The following NOP9 variants were observed in gnomAD, a reference collection of about 807,000 sequenced individuals.
The protein encoded by NOP9 is NOP9 nucleolar protein.
NOP9 carries 50 observed loss-of-function variants against 63.0 expected under a neutral mutation model. That is an observed-to-expected ratio of 0.79 (90% CI 0.63 to 1.00). The LOEUF (loss-of-function observed/expected upper bound fraction) is 1.00, where lower values mean the gene tolerates loss of function less well. Ranked by LOEUF, NOP9 falls within the 50% of genes least tolerant of loss-of-function variation. The pLI is 0.00. For synonymous variants in NOP9, 343 were observed against 332.8 expected, an observed-to-expected ratio of 1.03 and a Z score of -0.33; for missense variants, 758 against 803.0, an observed-to-expected ratio of 0.94 and a Z score of 0.68.
chr14:24,276,429 A>G, the NOP9 span, among the ~76,000 whole-genome samples: 1 of 151,362 alleles, frequency 6.6e-6, no homozygotes, highest in Non-Finnish European at 1.5e-5. Context: ...GCTAATTTTT[A>G]AAAATTAGCC....
At chr14:24,300,961 G>A (rs953578690) in intron 2 of NOP9, 104 bp downstream of exon 2, 7 of 948,652 alleles carry the variant, frequency 7.4e-6, no homozygotes, top group East Asian at 5.1e-5. Flanking sequence ...GAGCTTGACC[G>A]GGAAGAATTA....
At chr14:24,292,895 C>G in the NOP9 span, 1 of 1,415,580 alleles carries the variant, frequency 7.1e-7, no homozygotes, top group South Asian at 1.5e-5. Flanking sequence ...ACTAGGAAGG[C>G]TACACAGGGT....
Position 24,306,247 on chromosome 14 carries a change from T to A in NOP9, c.*1152T>A. On this transcript the variant is annotated 3_prime_UTR_variant, in exon 10 of 10. Transcript: ENST00000267425. ...TCGCTTGGACTTTCTGTCCACTGTG[T>A]GACATCCTTGACAATTCCACAACTC... 6.6e-7 allele frequency: 1 copy of A among 1,520,356 alleles called. No homozygotes were observed. The highest frequency in any genetic ancestry group is 1.4e-5 in the African/African-American group (1 of 73,150). 94.2% of individuals were successfully genotyped at this position (1,520,356 alleles called of 1,614,324 possible).
intron 5 of NOP9, 40 bp downstream of exon 5, chr14:24,302,464 C>T: frequency 6.4e-7 from 1 of 1,561,746 alleles, no homozygotes. Context: ...TCTGCTAATT[C>T]TTGATCACTG....
chr14:24,292,415 C>A, the NOP9 span: 2 of 1,572,394 alleles, frequency 1.3e-6, no homozygotes, highest in South Asian at 2.3e-5. Context: ...TGTGAATGCT[C>A]CACCCACCCT....
At chr14:24,304,470 C>A (rs762789353) in intron 8 of NOP9, 23 bp from the exon 9 acceptor site, 1 of 1,572,950 alleles carries the variant, frequency 6.4e-7, no homozygotes. Flanking sequence ...CTAGGGAGAC[C>A]TACTTTGCTT....
At chr14:24,288,790 A>G in the NOP9 span, among the ~76,000 whole-genome samples, 1 of 152,188 alleles carries the variant, frequency 6.6e-6, no homozygotes, top group African/African-American at 2.4e-5. Context: ...TATCTTGAGA[A>G]TTTAGGAGAC....
chr14:24,292,227 T>C, the NOP9 span: 1 of 1,614,128 alleles, frequency 6.2e-7, no homozygotes, highest in Non-Finnish European at 8.5e-7. Context: ...CTTTGCCATA[T>C]GCTCCTTCAG....
chr14:24,287,796 T>G, the NOP9 span, among the ~76,000 whole-genome samples: 2 of 152,348 alleles, frequency 1.3e-5, no homozygotes, highest in East Asian at 3.9e-4. Flanking sequence ...TCCTGTGTCC[T>G]CAGGGCACTC....
chr14:24,302,516 A>G lies in NOP9; in HGVS notation c.1143+92A>G, dbSNP rs2041396771. 4.0e-6 allele frequency: 5 copies of G among 1,262,898 alleles called. No individual in the cohort carries two copies. In the South Asian group the frequency reaches 4.3e-5, roughly 11 times the overall value. 78.2% of individuals were successfully genotyped at this position (1,262,898 alleles called of 1,614,324 possible). A position where few individuals can be genotyped will look rare whatever the true frequency, so the allele number is the denominator to read the frequency against. On this transcript the variant is annotated intron_variant, in intron 5 of 9. Transcript: ENST00000267425. The stretch of plus-strand genomic sequence containing the variant: ...CTGTCTGCCTCTATATACCTTTGAC[A>G]TTGTGCTGGCCATTGCCCTTGAAAA...
In NOP9 at chr14:24,307,215, G is replaced by A. The variant is rs1484790920; in HGVS notation, c.*2120G>A. 1.4e-6 allele frequency: 1 copy of A among 737,572 alleles called. No individual in the cohort carries two copies. The highest frequency in any genetic ancestry group is 2.2e-6 in the Non-Finnish European group (1 of 454,494). The allele number at this position is 737,572 out of a possible 1,614,324, so 45.7% of individuals were successfully genotyped here. On this transcript the variant is annotated 3_prime_UTR_variant, in exon 10 of 10. Transcript: ENST00000267425. The stretch of plus-strand genomic sequence containing the variant: ...TCACTCGGTGGAAAATGAACAAATT[G>A]ACCAGAGCTCATTAGGCCCACTCCG...
intron 4 of NOP9, 35 bp downstream of exon 4, chr14:24,302,141 C>T (rs1439519778): frequency 9.3e-6 from 15 of 1,604,374 alleles, no homozygotes; most frequent in South Asian, 5.5e-5. Flanking sequence ...CCCAAGTTGG[C>T]GGGGCTGTGT....
chr14:24,308,204 A>G lies in NOP9; in HGVS notation c.*3109A>G. The G allele has an allele frequency of 5.9e-6, 2 of 337,372 alleles. No individual in the cohort carries two copies. The highest frequency in any genetic ancestry group is 1.1e-5 in the Non-Finnish European group (2 of 178,992). The allele number at this position is 337,372 out of a possible 1,614,324, so 20.9% of individuals were successfully genotyped here. Reference sequence around the variant, plus strand: ...GGTGTTTTTTTATTTCTATGGAGGGAATTTCTGGGGACGGTTTCTGGCTCT... The same window carrying G: ...GGTGTTTTTTTATTTCTATGGAGGGGATTTCTGGGGACGGTTTCTGGCTCT... On this transcript the variant is annotated 3_prime_UTR_variant, in exon 10 of 10. Coordinates refer to ENST00000267425, the MANE Select transcript of NOP9 (RefSeq NM_174913.3).
the NOP9 span, chr14:24,292,050 A>T: frequency 7.1e-6 from 8 of 1,123,660 alleles, no homozygotes; most frequent in Non-Finnish European, 7.8e-6. Context: ...ATTAAAGGAA[A>T]TAATGTGTGT....
rs1237384717 is a variant in NOP9 at position 24,306,851 on chromosome 14, C to G, written c.*1756C>G. ...CTGTCTTATCTACAATGCTGCACCT[C>G]ACTTCCCACACCCTCAAGAGTTCTC... On this transcript the variant is annotated 3_prime_UTR_variant, in exon 10 of 10. Transcript: ENST00000267425. 1 of 385,894 alleles carries G rather than the reference C, an allele frequency of 2.6e-6. No homozygotes were observed. Among genetic ancestry groups the G allele is most frequent in the Non-Finnish European group, 4.9e-6 (1 of 205,774 alleles). 23.9% of individuals were successfully genotyped at this position (385,894 alleles called of 1,614,324 possible). A position where few individuals can be genotyped will look rare whatever the true frequency, so the allele number is the denominator to read the frequency against.
At chr14:24,277,688 G>A in the NOP9 span, among the ~76,000 whole-genome samples, 3 of 152,204 alleles carry the variant, frequency 2.0e-5, no homozygotes, top group South Asian at 2.1e-4. Flanking sequence ...TCCAGAAGAC[G>A]CTTTCTTGCT....
rs536770684 is a variant in NOP9, at chr14:24,302,970, T to C, written c.1144-104T>C. ...GTCCTGATACTGGCAATGCTTTTTA[T>C]GTTTTATCTAGCATTTTTAGTTGTT... On this transcript the variant is annotated intron_variant, in intron 5 of 9. Transcript: ENST00000267425. The C allele has an allele frequency of 1.8e-5, 24 of 1,334,352 alleles. No homozygotes were observed. In the African/African-American group the frequency reaches 3.6e-4, roughly 20 times the overall value. 82.7% of individuals were successfully genotyped at this position (1,334,352 alleles called of 1,614,324 possible).
At position 24,305,812 on chromosome 14, in the gene NOP9, G is replaced by A; in HGVS notation, c.*717G>A. 6.2e-7 allele frequency: 1 copy of A among 1,605,308 alleles called. No homozygotes were observed. Among genetic ancestry groups the A allele is most frequent in the Non-Finnish European group, 8.5e-7 (1 of 1,174,792 alleles). The stretch of plus-strand genomic sequence containing the variant: ...AAATCAGATGATTTGGAAAACTTGG[G>A]AGGAAGCCATCAAGCTGGGAGATGA... On this transcript the variant is annotated 3_prime_UTR_variant, in exon 10 of 10. Coordinates refer to ENST00000267425, the MANE Select transcript of NOP9 (RefSeq NM_174913.3).
chr14:24,288,058 A>C, the NOP9 span, among the ~76,000 whole-genome samples: 1 of 152,132 alleles, frequency 6.6e-6, no homozygotes, highest in African/African-American at 2.4e-5. Flanking sequence ...GATGACTGAA[A>C]CTTGTCAGAG....
Sources: gnomAD v4.1 joint callset for allele counts (sites outside exome capture counted in the v4.1 genomes callset) on GRCh38, gnomAD v4.1.1 for gene constraint, MANE v1.5 for transcripts, NCBI Gene and HGNC (gene_info 2026-07-23, HGNC 2026-07-21) for gene names.